UBE2Q2: variants seen among roughly 807,000 people sequenced by gnomAD.
UBE2Q2 encodes the protein ubiquitin-conjugating enzyme E2 Q2.
In UBE2Q2, 54 loss-of-function variants were observed where a neutral mutation model predicts 59.9. The observed-to-expected ratio is 0.90, with a 90% CI of 0.72 to 1.13. UBE2Q2 has a LOEUF of 1.13. Ranked by LOEUF, UBE2Q2 falls within the 50% of genes most tolerant of loss-of-function variation. UBE2Q2 has a pLI of 0.00. For missense variants in UBE2Q2, 433 were observed against 441.9 expected (o/e 0.98, Z 0.18); for synonymous variants, 165 against 155.2 (o/e 1.06, Z -0.47).
At chr15:75,862,927 ACC>A (rs1033940545) in intron 3 of UBE2Q2, among the ~76,000 whole-genome samples, 1 of 150,798 alleles carries the variant, frequency 6.6e-6, no homozygotes, top group Non-Finnish European at 1.5e-5. Context: ...GTTATTCCCT[ACC>A]CCTCTATCTT....
At chr15:75,879,293 T>C (rs1421142977) in intron 8 of UBE2Q2, 105 bp downstream of exon 8, 1 of 618,056 alleles carries the variant, frequency 1.6e-6, no homozygotes, top group Admixed American at 3.4e-5. Flanking sequence ...TCATACCCTA[T>C]GGTTCAGGAA....
intron 1 of UBE2Q2, among the ~76,000 whole-genome samples, chr15:75,851,046 A>T (rs191236691): frequency 6.6e-6 from 1 of 152,194 alleles, no homozygotes; most frequent in African/African-American, 2.4e-5. Context: ...GCTTGAAATA[A>T]TGTAAACAAA....
chr15:75,893,787 G>A (rs545698197), intron 11 of UBE2Q2, among the ~76,000 whole-genome samples: 1 of 152,284 alleles, frequency 6.6e-6, no homozygotes, highest in Non-Finnish European at 1.5e-5. Flanking sequence ...AAAGCTATGT[G>A]AATTTGGAAA....
Position 75,868,995 on chromosome 15 carries a change from A to G in UBE2Q2, c.432A>G (p.Glu144=), listed in dbSNP as rs1338294782. The change falls in exon 4 of 13, where the codon GAA becomes GAG. Residue 144 remains glutamate (E), a synonymous_variant. Coordinates refer to ENST00000267938, the MANE Select transcript of UBE2Q2 (RefSeq NM_173469.4). ...EEVTSEEEEE[E]EEMAEDIEDL... is the part of the protein sequence containing the mutation. ...TGACTTCAGAAGAAGAGGAAGAAGA[A>G]GAAGAGATGGCTGAAGTAGGTATTT... is the stretch of plus-strand genomic sequence containing the variant. The G allele has an allele frequency of 6.2e-7, 1 of 1,612,532 alleles. No individual in the cohort carries two copies. The highest frequency in any genetic ancestry group is 8.5e-7 in the Non-Finnish European group (1 of 1,179,062).
Position 75,873,559 on chromosome 15 carries a change from C to G in UBE2Q2, c.579C>G (p.Asp193Glu), listed in dbSNP as rs773563427. 4 of 1,612,336 alleles carry G rather than the reference C, an allele frequency of 2.5e-6. No individual in the cohort carries two copies. The highest frequency in any genetic ancestry group is 3.4e-6 in the Non-Finnish European group (4 of 1,179,422). ...LEKIRKTQRQ[D>E]HLNGAVSGSV... is the part of the protein sequence containing the mutation. ...AAATTAGGAAGACTCAAAGGCAAGACCATTTAAATGTAAGTGTGTGTAGAT... is the reference window on the plus strand; with the variant it reads ...AAATTAGGAAGACTCAAAGGCAAGAGCATTTAAATGTAAGTGTGTGTAGAT... The change falls in exon 5 of 13, where the codon GAC (aspartate) becomes GAG (glutamate). Residue 193 changes from aspartate (D) to glutamate (E), a missense_variant. Coordinates refer to ENST00000267938, the MANE Select transcript of UBE2Q2 (RefSeq NM_173469.4).
At chr15:75,844,624 C>G in intron 1 of UBE2Q2, 2 of 946,672 alleles carry the variant, frequency 2.1e-6, no homozygotes, top group Non-Finnish European at 3.1e-6. Context: ...CTTTTAAAAA[C>G]TCACTCATTA....
intron 2 of UBE2Q2, among the ~76,000 whole-genome samples, chr15:75,858,517 T>C (rs1897038194): frequency 6.6e-6 from 1 of 151,964 alleles, no homozygotes; most frequent in African/African-American, 2.4e-5. Context: ...GACCTGTCCT[T>C]CTGAATGTCT....
chr15:75,896,260 C>G (rs1226895998), intron 11 of UBE2Q2, among the ~76,000 whole-genome samples: 3 of 152,040 alleles, frequency 2.0e-5, no homozygotes, highest in Admixed American at 2.0e-4. Context: ...GTTCAGGGCA[C>G]CAAGTAGGAG....
chr15:75,877,969 T>A lies in UBE2Q2; in HGVS notation c.682T>A (p.Ser228Thr), dbSNP rs1131973. 6.2e-7 allele frequency: 1 copy of A among 1,613,422 alleles called. No individual in the cohort carries two copies. The highest frequency in any genetic ancestry group is 1.7e-5 in the Admixed American group (1 of 59,954). ...GCTCTATATCTTAACAGGGATTTATTCAGTGGAACTCATAAATGACAGTTT... is the reference window on the plus strand; with the variant it reads ...GCTCTATATCTTAACAGGGATTTATACAGTGGAACTCATAAATGACAGTTT... ...RSQSYKTGIY[S>T]VELINDSLYD... is the part of the protein sequence containing the mutation. Residue 228 changes from serine (S) to threonine (T), a missense_variant, in exon 7 of 13, where the codon TCA (serine) becomes ACA (threonine). Coordinates refer to ENST00000267938, the MANE Select transcript of UBE2Q2 (RefSeq NM_173469.4).
chr15:75,854,237 G>A (rs1896786626), intron 1 of UBE2Q2, 149 bp from the exon 2 acceptor site: 1 of 526,620 alleles, frequency 1.9e-6, no homozygotes, highest in East Asian at 3.2e-5. Flanking sequence ...CAAAAGTCCA[G>A]CTCCTCACAA....
At chr15:75,873,119 T>A (rs1897885053) in intron 4 of UBE2Q2, among the ~76,000 whole-genome samples, 1 of 152,242 alleles carries the variant, frequency 6.6e-6, no homozygotes, top group Non-Finnish European at 1.5e-5. Context: ...TCTTGACACC[T>A]GCTGCTAAAC....
chr15:75,850,151 A>C (rs754794297), intron 1 of UBE2Q2, among the ~76,000 whole-genome samples: 1 of 152,212 alleles, frequency 6.6e-6, no homozygotes, highest in East Asian at 1.9e-4. Flanking sequence ...CTGAAGGTTA[A>C]GTTTCCTGGC....
intron 12 of UBE2Q2, 135 bp from the exon 13 acceptor site, chr15:75,899,292 T>A: frequency 4.3e-6 from 1 of 232,148 alleles, no homozygotes; most frequent in African/African-American, 2.4e-5. Context: ...ATATATATAA[T>A]ATATATATAT....
chr15:75,844,532 C>T (rs1414009414), intron 1 of UBE2Q2: 2 of 1,540,086 alleles, frequency 1.3e-6, no homozygotes, highest in Non-Finnish European at 8.8e-7. Flanking sequence ...GTGTGTAAGC[C>T]TCGAAAATGG....
chr15:75,856,263 GTGTGTGTATA>G (rs986675395), intron 2 of UBE2Q2, among the ~76,000 whole-genome samples: 6 of 103,286 alleles, frequency 5.8e-5, no homozygotes, highest in Admixed American at 1.0e-4. Flanking sequence ...GTGTGTGTGT[GTGTGTGTATA>G]TATATATATA....
At position 75,870,986 on chromosome 15, in the gene UBE2Q2, A is replaced by G. The variant is rs1158440719; in HGVS notation, c.447+1976A>G. On this transcript the variant is annotated intron_variant, in intron 4 of 12. Transcript: ENST00000267938. ...GGGACCCAGGAAACCAGCGTTCAGC[A>G]TATGGAGGATCCCGCCAGCCTCTGA... 1.3e-5 allele frequency among the ~76,000 whole-genome samples: 2 copies of G among 152,348 alleles called. 1 individual carries two copies. The highest frequency in any genetic ancestry group is 3.9e-4 in the East Asian group (2 of 5,184).
At chr15:75,890,337 C>A in intron 9 of UBE2Q2, 98 bp from the exon 10 acceptor site, 1 of 847,426 alleles carries the variant, frequency 1.2e-6, no homozygotes, top group Non-Finnish European at 1.9e-6. Flanking sequence ...TTTTCTCATC[C>A]TTACTTGTGT....
intron 8 of UBE2Q2, among the ~76,000 whole-genome samples, chr15:75,881,903 T>C (rs2141644637): frequency 6.6e-6 from 1 of 152,270 alleles, no homozygotes; most frequent in East Asian, 1.9e-4. Flanking sequence ...TAAACTTAGG[T>C]TCATTTAGAG....
At chr15:75,876,359 A>G in intron 6 of UBE2Q2, 88 bp downstream of exon 6, 2 of 1,177,682 alleles carry the variant, frequency 1.7e-6, no homozygotes, top group Admixed American at 4.6e-5. Context: ...AAAACTGGAC[A>G]GAAATGGAAA....
Sources: allele counts gnomAD v4.1 joint callset (sites outside exome capture counted in the v4.1 genomes callset), GRCh38; gene constraint gnomAD v4.1.1; transcripts MANE v1.5; gene names NCBI Gene and HGNC (gene_info 2026-07-23, HGNC 2026-07-21).